Variants in FAM13A observed in about 807,000 individuals in gnomAD.
FAM13A encodes family with sequence similarity 13 member A, also known as protein FAM13A.
Under a neutral mutation model 129.6 loss-of-function variants are expected in FAM13A, and 76 were observed. The ratio of observed to expected loss-of-function variants is 0.59; its 90% CI spans 0.49 to 0.71. The LOEUF (loss-of-function observed/expected upper bound fraction) is 0.71. Among genes scored for constraint, FAM13A ranks in the 30% least tolerant of loss-of-function variants. The pLI is 0.00. For synonymous variants in FAM13A, 443 were observed against 449.9 expected, an observed-to-expected ratio of 0.98 and a Z score of 0.20; for missense variants, 1,108 against 1,249.3, an observed-to-expected ratio of 0.89 and a Z score of 1.70.
intron 17 of FAM13A, among the ~76,000 whole-genome samples, chr4:88,748,210 G>A (rs1344036784): frequency 1.3e-5 from 2 of 152,146 alleles, no homozygotes; most frequent in African/African-American, 4.8e-5. Context: ...GAGATTTGAT[G>A]TCTGCCCAAC....
intron 23 of FAM13A, chr4:88,730,191 C>G (rs1189020851): frequency 2.6e-5 from 4 of 152,174 alleles, no homozygotes; most frequent in Admixed American, 2.6e-4. Flanking sequence ...CTTCAGTAAT[C>G]TGGGTTAAAT....
chr4:88,905,294 T>G (rs147173604), intron 6 of FAM13A, among the ~76,000 whole-genome samples: 1 of 152,148 alleles, frequency 6.6e-6, no homozygotes, highest in East Asian at 1.9e-4. Context: ...CACCCAATCC[T>G]GGCTAATTTT....
intron 7 of FAM13A, among the ~76,000 whole-genome samples, chr4:88,850,655 T>C (rs541266591): frequency 1.3e-5 from 2 of 152,340 alleles, no homozygotes; most frequent in South Asian, 2.1e-4. Context: ...CACTCAAAAT[T>C]AGTTTGTGAG....
At position 88,906,472 on chromosome 4, in the gene FAM13A, A is replaced by G. The variant is rs760081924; in HGVS notation, c.760-10T>C. The G allele has an allele frequency of 1.0e-5, 16 of 1,570,434 alleles. No homozygotes were observed. The highest frequency in any genetic ancestry group is 4.4e-6 in the Non-Finnish European group (5 of 1,148,008). On this transcript the variant is annotated splice_polypyrimidine_tract_variant and intron_variant, in intron 5 of 23. Transcript: ENST00000264344. ...TCTTATAATAGACCTCCTACAAAAGAAGTATAAAGGAAACATTAGAGATTA... is the reference window on the plus strand; with the variant it reads ...TCTTATAATAGACCTCCTACAAAAGGAGTATAAAGGAAACATTAGAGATTA...
intron 1 of FAM13A, among the ~76,000 whole-genome samples, chr4:89,034,143 CA>C (rs1355325577): frequency 6.6e-6 from 1 of 152,120 alleles, no homozygotes; most frequent in Non-Finnish European, 1.5e-5. Context: ...AGTAAACAGA[CA>C]GCCTACAGAA....
At chr4:88,769,293 A>G (rs552508897) in intron 11 of FAM13A, among the ~76,000 whole-genome samples, 24 of 152,270 alleles carry the variant, frequency 1.6e-4, no homozygotes, top group African/African-American at 4.6e-4. Flanking sequence ...TGGTTTTGCC[A>G]ATTTGCCTGG....
chr4:89,035,192 A>AGAGAGG (rs1410680739), intron 1 of FAM13A, among the ~76,000 whole-genome samples: 1 of 152,094 alleles, frequency 6.6e-6, no homozygotes, highest in Non-Finnish European at 1.5e-5. Context: ...AAAAGGGAGG[A>AGAGAGG]GAGAGGGAGA....
intron 3 of FAM13A, among the ~76,000 whole-genome samples, chr4:89,018,945 G>A (rs1766881977): frequency 6.6e-6 from 1 of 152,210 alleles, no homozygotes; most frequent in Non-Finnish European, 1.5e-5. Flanking sequence ...CAGGTACTCT[G>A]AAGAAAGAAA....
intron 4 of FAM13A, among the ~76,000 whole-genome samples, chr4:88,957,795 T>G (rs550824720): frequency 6.6e-6 from 1 of 152,320 alleles, no homozygotes; most frequent in Admixed American, 6.5e-5. Flanking sequence ...TACTGAGAAC[T>G]GGAGTAAAGG....
chr4:88,728,806 C>T, intron 23 of FAM13A, 147 bp from the exon 24 acceptor site: 2 of 826,734 alleles, frequency 2.4e-6, no homozygotes, highest in Non-Finnish European at 3.8e-6. Context: ...GGTCTCAAGA[C>T]TGGGGCTGGA....
At chr4:88,876,161 G>A (rs974786020) in intron 6 of FAM13A, among the ~76,000 whole-genome samples, 1 of 152,144 alleles carries the variant, frequency 6.6e-6, no homozygotes, top group Admixed American at 6.5e-5. Flanking sequence ...GGCTGGGGGA[G>A]GGATAGCATT....
intron 7 of FAM13A, among the ~76,000 whole-genome samples, chr4:88,826,092 T>G (rs545014296): frequency 6.6e-6 from 1 of 152,212 alleles, no homozygotes; most frequent in Non-Finnish European, 1.5e-5. Context: ...GTGCCATTCA[T>G]GACCTCTGTC....
At chr4:89,039,716 C>T (rs992786016) in intron 1 of FAM13A, among the ~76,000 whole-genome samples, 103 of 151,898 alleles carry the variant, frequency 6.8e-4, no homozygotes, top group African/African-American at 2.3e-3. Flanking sequence ...ATAAGCATAA[C>T]TGACATCAAA....
At chr4:88,932,617 T>C (rs967591133) in intron 5 of FAM13A, among the ~76,000 whole-genome samples, 1 of 152,198 alleles carries the variant, frequency 6.6e-6, no homozygotes, top group Non-Finnish European at 1.5e-5. Flanking sequence ...ACATGCAATG[T>C]TTTTGAGCAT....
At chr4:88,763,673 T>C (rs1465930026) in intron 13 of FAM13A, among the ~76,000 whole-genome samples, 5 of 152,218 alleles carry the variant, frequency 3.3e-5, no homozygotes, top group Non-Finnish European at 5.9e-5. Flanking sequence ...ATTCCTTCCA[T>C]TGCCCTGCAC....
At position 88,906,442 on chromosome 4, in the gene FAM13A, G is replaced by A. The variant is rs145977216; in HGVS notation, c.780C>T (p.Ser260=). 2.5e-6 allele frequency: 4 copies of A among 1,610,424 alleles called. No individual in the cohort carries two copies. The African/African-American group carries it at 4.0e-5, about 16-fold the overall frequency. The change falls in exon 6 of 24, where the codon TCC becomes TCT. Residue 260 remains serine (S), a synonymous_variant. Transcript: ENST00000264344. ...AGCCTCTTGTTAAAAGGATGGGCAG[G>A]GAGTTCTTATAATAGACCTCCTACA... ...IIVKEVYYKN[S]LPILLTRGLE...
At chr4:89,003,542 G>A (rs575032450) in intron 3 of FAM13A, among the ~76,000 whole-genome samples, 5 of 152,034 alleles carry the variant, frequency 3.3e-5, no homozygotes, top group Admixed American at 6.6e-5. Flanking sequence ...ATAGGTGTGC[G>A]GGAGGTGGAG....
At chr4:89,047,956 A>G (rs971549034) in intron 1 of FAM13A, among the ~76,000 whole-genome samples, 2 of 152,194 alleles carry the variant, frequency 1.3e-5, no homozygotes, top group African/African-American at 4.8e-5. Flanking sequence ...AACTCACTAC[A>G]ATGGTTATAA....
chr4:88,762,622 A>G (rs912576469), intron 13 of FAM13A, among the ~76,000 whole-genome samples: 17 of 152,036 alleles, frequency 1.1e-4, no homozygotes, highest in African/African-American at 4.1e-4. Context: ...CCTATGTCCT[A>G]TGGCCCATGG....
Sources: allele counts gnomAD v4.1 joint callset (sites outside exome capture counted in the v4.1 genomes callset), GRCh38; gene constraint gnomAD v4.1.1; transcripts MANE v1.5; gene names NCBI Gene and HGNC (gene_info 2026-07-23, HGNC 2026-07-21).